Variants in PTH2R observed in about 807,000 individuals in gnomAD.
The protein encoded by PTH2R is PTH2 receptor.
Under a neutral mutation model 60.3 loss-of-function variants are expected in PTH2R, and 59 were observed. That is an observed-to-expected ratio of 0.98 (90% CI 0.79 to 1.22). The LOEUF is 1.22. PTH2R is among the 50% of genes most tolerant of loss of function. PTH2R has a pLI of 0.00. For missense variants in PTH2R, 749 were observed against 682.6 expected (o/e 1.10, Z -1.08); for synonymous variants, 256 against 243.8 (o/e 1.05, Z -0.47).
At chr2:208,459,117 T>C (rs1256950096) in intron 8 of PTH2R, among the ~76,000 whole-genome samples, 1 of 152,118 alleles carries the variant, frequency 6.6e-6, no homozygotes, top group Non-Finnish European at 1.5e-5. Context: ...CCAGCATCTG[T>C]TATTTCTTGA....
chr2:208,489,267 T>C (rs1042207412), intron 11 of PTH2R, 117 bp downstream of exon 11: 2 of 1,320,796 alleles, frequency 1.5e-6, no homozygotes, highest in Non-Finnish European at 2.1e-6. Flanking sequence ...TCTGGGGAGT[T>C]GGGGGGTGCA....
chr2:208,372,721 G>C (rs765149004), intron 1 of PTH2R, among the ~76,000 whole-genome samples: 6 of 152,052 alleles, frequency 3.9e-5, no homozygotes, highest in Admixed American at 1.3e-4. Flanking sequence ...TAAAGGAAAA[G>C]AGTACACAAA....
At chr2:208,378,695 C>T (rs745806100) in intron 1 of PTH2R, among the ~76,000 whole-genome samples, 14 of 152,138 alleles carry the variant, frequency 9.2e-5, no homozygotes, top group Non-Finnish European at 1.9e-4. Flanking sequence ...ACCGAATCTA[C>T]AAGCAACTTG....
chr2:208,401,494 G>A (rs1358917671), intron 1 of PTH2R, among the ~76,000 whole-genome samples: 1 of 150,922 alleles, frequency 6.6e-6, no homozygotes, highest in Non-Finnish European at 1.5e-5. Context: ...ACCGCTCAGT[G>A]ATCAGGTCCT....
intron 9 of PTH2R, among the ~76,000 whole-genome samples, chr2:208,475,382 C>T (rs187016981): frequency 1.2e-4 from 19 of 152,190 alleles, no homozygotes; most frequent in African/African-American, 4.6e-4. Flanking sequence ...AAATCCTAAA[C>T]TCAGTGTTTA....
chr2:208,456,785 A>C (rs958186377), intron 8 of PTH2R, among the ~76,000 whole-genome samples: 8 of 152,228 alleles, frequency 5.3e-5, no homozygotes, highest in African/African-American at 1.4e-4. Context: ...TTTCTGGGAC[A>C]TGTTAACAAA....
intron 1 of PTH2R, among the ~76,000 whole-genome samples, chr2:208,416,086 C>T (rs553362023): frequency 2.6e-5 from 4 of 152,178 alleles, no homozygotes; most frequent in South Asian, 4.2e-4. Flanking sequence ...TGATATTAAT[C>T]AGTTGTTTAT....
rs1310672048 is a variant in PTH2R, at chr2:208,493,703, G to T, written c.*44G>T. 2 of 1,507,640 alleles carry T rather than the reference G, an allele frequency of 1.3e-6. No homozygotes were observed. Among genetic ancestry groups the T allele is most frequent in the East Asian group, 2.3e-5 (1 of 43,230 alleles). 93.4% of individuals were successfully genotyped at this position (1,507,640 alleles called of 1,614,324 possible). ...CTTTCATGGGCTGGTCCAATGGCTGGTTGTGTGAGAGGGCTTGGCTGATAC... is the reference window on the plus strand; with the variant it reads ...CTTTCATGGGCTGGTCCAATGGCTGTTTGTGTGAGAGGGCTTGGCTGATAC... On this transcript the variant is annotated 3_prime_UTR_variant, in exon 13 of 13. Transcript: ENST00000272847.
At position 208,437,624 on chromosome 2, in the gene PTH2R, A is replaced by C; in HGVS notation, c.266A>C (p.Tyr89Ser). The C allele has an allele frequency of 1.9e-6, 3 of 1,613,164 alleles. No homozygotes were observed. In the South Asian group the frequency reaches 3.3e-5, roughly 18 times the overall value. ...GKISAVPCPP[Y>S]IYDFNHKGVA... ...ATATCGGCTGTTCCATGCCCTCCTT[A>C]TATTTATGACTTCAACCATAAAGGT... Residue 89 changes from tyrosine to serine, a missense_variant, in exon 3 of 13, where the codon TAT becomes TCT. Physicochemically the swap from Tyr to Ser is moderately radical, Grantham distance 144. Transcript: ENST00000272847.
At chr2:208,443,139 A>G (rs1205553945) in intron 5 of PTH2R, among the ~76,000 whole-genome samples, 1 of 152,234 alleles carries the variant, frequency 6.6e-6, no homozygotes, top group Non-Finnish European at 1.5e-5. Flanking sequence ...GATTTAAAGT[A>G]ACAAGATGAT....
intron 10 of PTH2R, among the ~76,000 whole-genome samples, chr2:208,483,606 A>G (rs1320105646): frequency 6.6e-6 from 1 of 152,238 alleles, no homozygotes; most frequent in Non-Finnish European, 1.5e-5. Context: ...GAAGAGAATA[A>G]TTTATCAAGG....
chr2:208,423,933 C>T (rs926374811), intron 1 of PTH2R, among the ~76,000 whole-genome samples: 4 of 152,178 alleles, frequency 2.6e-5, no homozygotes, highest in Admixed American at 6.6e-5. Context: ...TATTACTGCT[C>T]ATAGAAGTAG....
chr2:208,481,804 A>G (rs1032629100), intron 10 of PTH2R, among the ~76,000 whole-genome samples: 25 of 152,238 alleles, frequency 1.6e-4, no homozygotes, highest in Non-Finnish European at 3.2e-4. Flanking sequence ...AACTGAAAAG[A>G]TCAAGTGGAT....
At chr2:208,461,219 A>G (rs966271598) in intron 9 of PTH2R, among the ~76,000 whole-genome samples, 2 of 152,166 alleles carry the variant, frequency 1.3e-5, no homozygotes, top group Non-Finnish European at 2.9e-5. Flanking sequence ...GGATGAATGC[A>G]TGGCTTAAAT....
intron 8 of PTH2R, among the ~76,000 whole-genome samples, chr2:208,458,279 C>T (rs1466240134): frequency 6.6e-6 from 1 of 151,926 alleles, no homozygotes; most frequent in Non-Finnish European, 1.5e-5. Flanking sequence ...TGATCTCTGC[C>T]CATGTAGAAC....
At position 208,493,691 on chromosome 2, in the gene PTH2R, G is replaced by T. The variant is rs57611196; in HGVS notation, c.*32G>T. The stretch of plus-strand genomic sequence containing the variant: ...ATTTGTGGCTGACTTTCATGGGCTG[G>T]TCCAATGGCTGGTTGTGTGAGAGGG... On this transcript the variant is annotated 3_prime_UTR_variant, in exon 13 of 13. Transcript: ENST00000272847. The T allele has an allele frequency of 4.2e-3, 6,384 of 1,516,156 alleles. 147 individuals carry two copies. The African/African-American group carries it at 0.063, about 15-fold the overall frequency. The allele number at this position is 1,516,156 out of a possible 1,614,324, so 93.9% of individuals were successfully genotyped here.
chr2:208,425,434 G>T (rs966682937), intron 1 of PTH2R, among the ~76,000 whole-genome samples: 6 of 152,148 alleles, frequency 3.9e-5, no homozygotes, highest in African/African-American at 1.4e-4. Flanking sequence ...ATGACCCAAT[G>T]ACCCAGAAGT....
intron 1 of PTH2R, among the ~76,000 whole-genome samples, chr2:208,418,549 T>A (rs148142391): frequency 6.6e-6 from 1 of 152,154 alleles, no homozygotes; most frequent in Admixed American, 6.5e-5. Context: ...AAAGAAATTC[T>A]TAATAAAATA....
intron 7 of PTH2R, among the ~76,000 whole-genome samples, chr2:208,450,462 A>G (rs1702380791): frequency 6.6e-6 from 1 of 152,108 alleles, no homozygotes; most frequent in African/African-American, 2.4e-5. Flanking sequence ...CAACCCTAGG[A>G]ACTTCACTCT....
Sources: allele counts gnomAD v4.1 joint callset (sites outside exome capture counted in the v4.1 genomes callset), GRCh38; gene constraint gnomAD v4.1.1; transcripts MANE v1.5; gene names NCBI Gene and HGNC (gene_info 2026-07-23, HGNC 2026-07-21).